Variants in PLCL2 observed in about 807,000 individuals in gnomAD.
The protein encoded by PLCL2 is inactive phospholipase C-like protein 2.
A neutral mutation model predicts 79.6 loss-of-function variants in PLCL2; 4 were observed. That is an observed-to-expected ratio of 0.05 (90% CI 0.02 to 0.11). The LOEUF is 0.11. Ranked by LOEUF, PLCL2 falls within the 10% of genes least tolerant of loss-of-function variation. The pLI, the probability that PLCL2 is intolerant of heterozygous loss-of-function variation, is 1.00. For missense variants in PLCL2, 895 were observed against 1,291.0 expected, an observed-to-expected ratio of 0.69 and a Z score of 4.70; for synonymous variants, 484 against 457.7, an observed-to-expected ratio of 1.06 and a Z score of -0.73.
At chr3:16,957,670 G>C (rs113550817) in intron 1 of PLCL2, among the ~76,000 whole-genome samples, 5,853 of 152,146 alleles carry the variant, frequency 0.038, 368 homozygotes, top group African/African-American at 0.13. Flanking sequence ...GTCTCAGTCT[G>C]TTTGTAGGTC....
chr3:17,011,379 G>A lies in PLCL2; in HGVS notation c.2033G>A (p.Ser678Asn), dbSNP rs1239091712. 6.2e-7 allele frequency: 1 copy of A among 1,614,130 alleles called. No homozygotes were observed. Among genetic ancestry groups the A allele is most frequent in the Non-Finnish European group, 8.5e-7 (1 of 1,180,028 alleles). Residue 678 changes from serine to asparagine, a missense_variant, in exon 2 of 6, where the codon AGT (serine) becomes AAT (asparagine). Ser to Asn is a conservative substitution (Grantham distance 46). Coordinates refer to ENST00000615277, the MANE Select transcript of PLCL2 (RefSeq NM_001144382.2). The surrounding 1 kb of genome is among the most constrained non-coding windows in gnomAD (Gnocchi z 7.9). ...CGTTTTCTTGCTAGGGTTTTTCCCA[G>A]TCCAATGAGAATTGATTCCAGTAAC... ...NKRFLARVFP[S>N]PMRIDSSNMN... is the part of the protein sequence containing the mutation.
Position 17,089,785 on chromosome 3 carries a change from A to G in PLCL2, c.3257A>G (p.Lys1086Arg). 2 of 1,614,010 alleles carry G rather than the reference A, an allele frequency of 1.2e-6. No homozygotes were observed. Among genetic ancestry groups the G allele is most frequent in the Non-Finnish European group, 1.7e-6 (2 of 1,179,894 alleles). ...YAKNETLENLKQIHFAAVSCG... is the reference protein window; with the variant it reads ...YAKNETLENLRQIHFAAVSCG... Reference sequence around the variant, plus strand: ...AAGAATGAGACATTGGAGAACCTGAAACAAATCCATTTTGCTGCTGTTTCA... The same window carrying G: ...AAGAATGAGACATTGGAGAACCTGAGACAAATCCATTTTGCTGCTGTTTCA... Residue 1086 changes from lysine (K) to arginine (R), a missense_variant, in exon 6 of 6, where the codon AAA (lysine) becomes AGA (arginine). By Grantham distance (26) the Lys-to-Arg change is conservative (BLOSUM62 2). Transcript: ENST00000615277.
intron 3 of PLCL2, among the ~76,000 whole-genome samples, chr3:17,020,819 C>G (rs1027590272): frequency 4.0e-5 from 6 of 151,806 alleles, no homozygotes; most frequent in Non-Finnish European, 5.9e-5. Context: ...GGTTTTTTTC[C>G]TTACACAGAA....
chr3:16,944,035 C>T (rs2063579407), intron 1 of PLCL2, among the ~76,000 whole-genome samples: 1 of 152,186 alleles, frequency 6.6e-6, no homozygotes, highest in Non-Finnish European at 1.5e-5. Context: ...TGGTTAAGGG[C>T]ATGACTGTTG....
chr3:16,980,362 G>C (rs1214495007), intron 1 of PLCL2, among the ~76,000 whole-genome samples: 1 of 146,326 alleles, frequency 6.8e-6, no homozygotes, highest in African/African-American at 2.5e-5. Flanking sequence ...GGGCGGAGGG[G>C]CTCCTCACTT....
intron 1 of PLCL2, among the ~76,000 whole-genome samples, chr3:16,958,878 G>A (rs975676898): frequency 2.0e-5 from 3 of 152,212 alleles, no homozygotes; most frequent in Non-Finnish European, 2.9e-5. Flanking sequence ...TGCCCTCCAT[G>A]GGGCTGGATC....
chr3:17,052,258 G>A (rs567975630), intron 4 of PLCL2, among the ~76,000 whole-genome samples: 7 of 148,216 alleles, frequency 4.7e-5, no homozygotes, highest in African/African-American at 9.8e-5. Flanking sequence ...AAAAAATTGG[G>A]GGGGGGTGAA....
Position 16,906,147 on chromosome 3 carries a change from C to T in PLCL2, c.327+20781C>T, listed in dbSNP as rs536036030. Among the ~76,000 whole-genome samples, 10 of 152,012 alleles carry T rather than the reference C, an allele frequency of 6.6e-5. No homozygotes were observed. The South Asian group carries it at 1.9e-3, about 28-fold the overall frequency. On this transcript the variant is annotated intron_variant, in intron 1 of 5. Transcript: ENST00000615277. ...TATATATTAAAACGTTTTATCTGAG[C>T]TAAAGGTCCTTTTTTCCCTTCTGAT... is the stretch of plus-strand genomic sequence containing the variant.
At chr3:16,902,853 C>CGTGTGTGTGT (rs1219764598) in intron 1 of PLCL2, among the ~76,000 whole-genome samples, 5 of 42,248 alleles carry the variant, frequency 1.2e-4, no homozygotes, top group Non-Finnish European at 3.3e-4. Context: ...AAATGCAGTG[C>CGTGTGTGTGT]GTGTGTGTGT....
At chr3:17,019,732 C>A (rs2064427992) in intron 3 of PLCL2, among the ~76,000 whole-genome samples, 1 of 152,082 alleles carries the variant, frequency 6.6e-6, no homozygotes, top group African/African-American at 2.4e-5. Flanking sequence ...TAGATCAAAT[C>A]CCACTCAAAG....
intron 3 of PLCL2, among the ~76,000 whole-genome samples, chr3:17,035,982 T>C (rs969011713): frequency 7.2e-5 from 11 of 152,266 alleles, no homozygotes; most frequent in African/African-American, 2.2e-4. Flanking sequence ...TTCCCCCCTA[T>C]AATTTGCGTA....
Position 17,011,245 on chromosome 3 carries a change from T to C in PLCL2, c.1899T>C (p.Phe633=). ...SICKSVQFKE[F]QVSFQVQKYW... ...GCAAATCAGTTCAGTTCAAAGAATT[T>C]CAGGTGTCGTTTCAGGTTCAGAAGT... The change falls in exon 2 of 6, where the codon TTT becomes TTC. Residue 633 remains phenylalanine (F), a synonymous_variant. Transcript: ENST00000615277. This position sits in a 1 kb window ranked among gnomAD's most constrained non-coding sequence, Gnocchi z 7.9. 6.2e-7 allele frequency: 1 copy of C among 1,614,232 alleles called. No individual in the cohort carries two copies.
chr3:16,962,634 A>C (rs998014615), intron 1 of PLCL2, among the ~76,000 whole-genome samples: 1 of 152,166 alleles, frequency 6.6e-6, no homozygotes, highest in African/African-American at 2.4e-5. Context: ...ATATTGTTAA[A>C]ATTTTATATG....
intron 1 of PLCL2, among the ~76,000 whole-genome samples, chr3:16,948,327 CAGA>C (rs2063620194): frequency 6.7e-6 from 1 of 149,354 alleles, no homozygotes; most frequent in Non-Finnish European, 1.5e-5. Context: ...CTGTGTGGGG[CAGA>C]AGGTGGATTA....
chr3:16,886,629 T>G lies in PLCL2; in HGVS notation c.327+1263T>G, dbSNP rs1260365728. Among the ~76,000 whole-genome samples the G allele has an allele frequency of 6.6e-6, 1 of 152,142 alleles. No homozygotes were observed. The highest frequency in any genetic ancestry group is 1.5e-5 in the Non-Finnish European group (1 of 68,032). The stretch of plus-strand genomic sequence containing the variant: ...CTGGGCAAGGACACAATTTGAAGGG[T>G]TTGGAGATGAAGTGTATTAACTACC... On this transcript the variant is annotated intron_variant, in intron 1 of 5. Transcript: ENST00000615277. The surrounding 1 kb of genome is among the most constrained non-coding windows in gnomAD (Gnocchi z 4.2).
intron 4 of PLCL2, among the ~76,000 whole-genome samples, chr3:17,060,571 G>C (rs971068138): frequency 1.3e-5 from 2 of 152,156 alleles, no homozygotes; most frequent in Non-Finnish European, 2.9e-5. Flanking sequence ...CCGGAGTTTT[G>C]AGGCAGAGCA....
intron 1 of PLCL2, among the ~76,000 whole-genome samples, chr3:16,969,846 T>C (rs2124977616): frequency 6.6e-6 from 1 of 151,976 alleles, no homozygotes; most frequent in South Asian, 2.1e-4. Context: ...TCATTTGAGA[T>C]CCTTCTAACT....
At chr3:17,086,287 G>A (rs1333118975) in intron 5 of PLCL2, among the ~76,000 whole-genome samples, 5 of 152,138 alleles carry the variant, frequency 3.3e-5, no homozygotes, top group African/African-American at 1.2e-4. Flanking sequence ...CCCACACAAA[G>A]CAGTTACTCA....
intron 4 of PLCL2, among the ~76,000 whole-genome samples, chr3:17,049,536 G>A (rs2064817002): frequency 1.3e-5 from 2 of 152,078 alleles, no homozygotes; most frequent in Non-Finnish European, 2.9e-5. Context: ...TATGCCAACA[G>A]TGAACAATTT....
Sources: gnomAD v4.1 joint callset for allele counts (sites outside exome capture counted in the v4.1 genomes callset) on GRCh38, gnomAD v4.1.1 for gene constraint, Gnocchi (gnomAD v3.1) non-coding constraint, MANE v1.5 for transcripts, NCBI Gene and HGNC (gene_info 2026-07-23, HGNC 2026-07-21) for gene names.